The following RAG1 variants were observed in gnomAD, a reference collection of about 807,000 sequenced individuals.
The protein encoded by RAG1 is recombination activating 1, also known as V(D)J recombination-activating protein 1.
In RAG1, 35 loss-of-function variants were observed where a neutral mutation model predicts 62.7. The ratio of observed to expected loss-of-function variants is 0.56; its 90% CI spans 0.43 to 0.74. The LOEUF (loss-of-function observed/expected upper bound fraction) is 0.74, where lower values mean the gene tolerates loss of function less well. Among genes scored for constraint, RAG1 ranks in the 30% least tolerant of loss-of-function variants. The pLI is 0.00. For missense variants in RAG1, 1,169 were observed against 1,278.6 expected (o/e 0.91, Z 1.31); for synonymous variants, 461 against 470.3 (o/e 0.98, Z 0.26).
intron 3 of RAG1, among the ~76,000 whole-genome samples, chr11:36,548,734 G>T (rs918290462): frequency 1.8e-4 from 27 of 152,124 alleles, no homozygotes; most frequent in African/African-American, 6.3e-4. Flanking sequence ...TCCCCATCAA[G>T]CTACCAATGA....
chr11:36,545,614 G>T (rs1262705031), intron 3 of RAG1, among the ~76,000 whole-genome samples: 2 of 152,104 alleles, frequency 1.3e-5, no homozygotes, highest in African/African-American at 2.4e-5. Context: ...ATGTAATTTT[G>T]ACAATTATTG....
In RAG1 at chr11:36,574,411, G is replaced by T. The variant is rs1319908264; in HGVS notation, c.1107G>T (p.Leu369Phe). Reference protein sequence around the residue: ...PAKECNEEVSLEKYNHHISSH... With the variant: ...PAKECNEEVSFEKYNHHISSH... Reference sequence around the variant, plus strand: ...AAGAGTGCAATGAGGAGGTCAGTTTGGAAAAATATAATCACCACATCTCAA... The same window carrying T: ...AAGAGTGCAATGAGGAGGTCAGTTTTGAAAAATATAATCACCACATCTCAA... The change falls in exon 2 of 2, where the codon TTG becomes TTT. Residue 369 changes from leucine to phenylalanine, a missense_variant. This residue lies in a region of RAG1 where 800 missense variants were observed against 943.3 expected (regional missense o/e 0.85). Coordinates refer to ENST00000299440, the MANE Select transcript of RAG1 (RefSeq NM_000448.3). The T allele has an allele frequency of 6.2e-7, 1 of 1,614,088 alleles. No individual in the cohort carries two copies. Among genetic ancestry groups the T allele is most frequent in the Non-Finnish European group, 8.5e-7 (1 of 1,180,042 alleles).
In RAG1 at chr11:36,579,214, T is replaced by C. The variant is rs1393115046; in HGVS notation, c.*2778T>C. The C allele has an allele frequency of 6.0e-6, 1 of 167,190 alleles. No individual in the cohort carries two copies. Among genetic ancestry groups the C allele is most frequent in the Non-Finnish European group, 1.5e-5 (1 of 68,108 alleles). 10.4% of individuals were successfully genotyped at this position (167,190 alleles called of 1,614,324 possible). On this transcript the variant is annotated 3_prime_UTR_variant, in exon 2 of 2. Transcript: ENST00000299440. ...GGTCTTGCATTACATCAAACAGAGT[T>C]CAAATTCCACACAGATAAGAGGCAG...
Position 36,575,123 on chromosome 11 carries a change from G to A in RAG1, c.1819G>A (p.Asp607Asn). 1.2e-6 allele frequency: 2 copies of A among 1,614,202 alleles called. No homozygotes were observed. The highest frequency in any genetic ancestry group is 1.1e-5 in the South Asian group (1 of 91,082). ...VVKESCDGMG[D>N]VSEKHGSGPV... ...GAAGGAGTCTTGTGATGGAATGGGA[G>A]ACGTGAGTGAGAAGCATGGGAGTGG... The change falls in exon 2 of 2, where the codon GAC (aspartate) becomes AAC (asparagine). Residue 607 changes from aspartate to asparagine, a missense_variant. This residue lies in a region of RAG1 where 800 missense variants were observed against 943.3 expected (regional missense o/e 0.85). Transcript: ENST00000299440. This position sits in a 1 kb window ranked among gnomAD's most constrained non-coding sequence, Gnocchi z 4.1.
intron 2 of RAG1, among the ~76,000 whole-genome samples, chr11:36,524,742 C>T (rs555809606): frequency 4.6e-5 from 7 of 152,230 alleles, no homozygotes; most frequent in East Asian, 3.9e-4. Context: ...CCACCCACCT[C>T]GGCCTTCCAA....
In RAG1 at chr11:36,576,852, G is replaced by A. The variant is rs1393429368; in HGVS notation, c.*416G>A. The A allele has an allele frequency of 9.9e-6, 2 of 202,494 alleles. No homozygotes were observed. The highest frequency in any genetic ancestry group is 2.2e-5 in the Non-Finnish European group (2 of 88,928). The allele number at this position is 202,494 out of a possible 1,614,324, so 12.5% of individuals were successfully genotyped here. On this transcript the variant is annotated 3_prime_UTR_variant, in exon 2 of 2. Coordinates refer to ENST00000299440, the MANE Select transcript of RAG1 (RefSeq NM_000448.3). Reference sequence around the variant, plus strand: ...CTTGATTGATTATATTTTGTATTGAGATATGATAAGTGCCTTCTATTTCAT... The same window carrying A: ...CTTGATTGATTATATTTTGTATTGAAATATGATAAGTGCCTTCTATTTCAT...
At chr11:36,557,569 T>G (rs1244040916) in intron 3 of RAG1, among the ~76,000 whole-genome samples, 1 of 151,998 alleles carries the variant, frequency 6.6e-6, no homozygotes, top group Non-Finnish European at 1.5e-5. Flanking sequence ...ATCACCCGTC[T>G]TCTGCGTCGC....
At chr11:36,566,624 GA>G (rs1190643829), upstream of RAG1, 4 of 152,216 alleles carry the variant, frequency 2.6e-5, no homozygotes, top group Non-Finnish European at 4.4e-5. Context: ...TGTTGAACAT[GA>G]ACACTGTCTT....
intron 2 of RAG1, among the ~76,000 whole-genome samples, chr11:36,530,680 G>A (rs1466234858): frequency 6.6e-6 from 1 of 151,942 alleles, no homozygotes; most frequent in African/African-American, 2.4e-5. Context: ...ATTTTAGTCA[G>A]AGAACGCACT....
chr11:36,578,734 G>C lies in RAG1; in HGVS notation c.*2298G>C, dbSNP rs1389190734. ...TGCAGGAATTTCAATATGTAGAAAC[G>C]CTGCCTATGGTTTTTTGCCCTTACT... On this transcript the variant is annotated 3_prime_UTR_variant, in exon 2 of 2. Coordinates refer to ENST00000299440, the MANE Select transcript of RAG1 (RefSeq NM_000448.3). 1 of 167,044 alleles carries C rather than the reference G, an allele frequency of 6.0e-6. No individual in the cohort carries two copies. The highest frequency in any genetic ancestry group is 1.5e-5 in the Non-Finnish European group (1 of 68,114). 10.3% of individuals were successfully genotyped at this position (167,044 alleles called of 1,614,324 possible).
Position 36,579,444 on chromosome 11 carries a change from C to T in RAG1, c.*3008C>T, listed in dbSNP as rs532351513. The T allele has an allele frequency of 6.0e-6, 1 of 166,962 alleles. No individual in the cohort carries two copies. Among genetic ancestry groups the T allele is most frequent in the Non-Finnish European group, 1.5e-5 (1 of 68,086 alleles). The allele number at this position is 166,962 out of a possible 1,614,324, so 10.3% of individuals were successfully genotyped here. A position where few individuals can be genotyped will look rare whatever the true frequency, so the allele number is the denominator to read the frequency against. On this transcript the variant is annotated 3_prime_UTR_variant, in exon 2 of 2. Coordinates refer to ENST00000299440, the MANE Select transcript of RAG1 (RefSeq NM_000448.3). ...ACTACAGTAATCTACATAAATATAC[C>T]TCAGAAATCATTTTTGGTGATTATT... is the stretch of plus-strand genomic sequence containing the variant.
chr11:36,523,062 G>A (rs1860106335), intron 2 of RAG1, among the ~76,000 whole-genome samples: 1 of 152,166 alleles, frequency 6.6e-6, no homozygotes, highest in South Asian at 2.1e-4. Flanking sequence ...GGACTTTTGA[G>A]TTAATGCTGA....
intron 1 of RAG1, among the ~76,000 whole-genome samples, chr11:36,513,657 A>G (rs1564973146): frequency 6.6e-6 from 1 of 152,200 alleles, no homozygotes; most frequent in East Asian, 1.9e-4. Flanking sequence ...AAAGTAAAAG[A>G]GGTTTAATGG....
upstream of RAG1, among the ~76,000 whole-genome samples, chr11:36,565,467 A>C (rs3758873): frequency 0.38 from 57,067 of 152,070 alleles, 14,732 homozygotes; most frequent in African/African-American, 0.73. Flanking sequence ...TCGGCACTTC[A>C]AGGACTAACC....
In RAG1 at chr11:36,577,819, T is replaced by C. The variant is rs936561588; in HGVS notation, c.*1383T>C. 3 of 167,086 alleles carry C rather than the reference T, an allele frequency of 1.8e-5. No individual in the cohort carries two copies. The highest frequency in any genetic ancestry group is 3.8e-4 in the East Asian group (2 of 5,210). 10.4% of individuals were successfully genotyped at this position (167,086 alleles called of 1,614,324 possible). A position where few individuals can be genotyped will look rare whatever the true frequency, so the allele number is the denominator to read the frequency against. On this transcript the variant is annotated 3_prime_UTR_variant, in exon 2 of 2. Coordinates refer to ENST00000299440, the MANE Select transcript of RAG1 (RefSeq NM_000448.3). ...CTATGTTTATAAGGTAGTATCAGAATTTTTTTAGGATTCACAACTAATCAC... is the reference window on the plus strand; with the variant it reads ...CTATGTTTATAAGGTAGTATCAGAACTTTTTTAGGATTCACAACTAATCAC...
chr11:36,526,724 CA>C (rs1376942942), intron 2 of RAG1, among the ~76,000 whole-genome samples: 2 of 152,148 alleles, frequency 1.3e-5, no homozygotes, highest in African/African-American at 4.8e-5. Context: ...CCTATTTCTC[CA>C]AATCCTCTCC....
chr11:36,515,931 CG>C (rs1303064250), intron 1 of RAG1, among the ~76,000 whole-genome samples: 10 of 152,140 alleles, frequency 6.6e-5, no homozygotes, highest in Admixed American at 6.5e-5. Flanking sequence ...CCTCCTTCTC[CG>C]TTGTCTTCCC....
intron 1 of RAG1, among the ~76,000 whole-genome samples, chr11:36,513,487 T>C (rs1400149992): frequency 1.3e-5 from 2 of 152,252 alleles, no homozygotes; most frequent in East Asian, 1.9e-4. Flanking sequence ...AATACACTTA[T>C]TGAACAACCA....
chr11:36,533,218 G>T (rs1860280998), intron 2 of RAG1, among the ~76,000 whole-genome samples: 1 of 152,122 alleles, frequency 6.6e-6, no homozygotes, highest in Admixed American at 6.6e-5. Flanking sequence ...CCCGAGGAGG[G>T]GGTGCTACTT....
Sources: gnomAD v4.1 joint callset for allele counts (sites outside exome capture counted in the v4.1 genomes callset) on GRCh38, gnomAD v4.1.1 for gene constraint, gnomAD v4.1.1 regional missense constraint, Gnocchi (gnomAD v3.1) non-coding constraint, MANE v1.5 for transcripts, NCBI Gene and HGNC (gene_info 2026-07-23, HGNC 2026-07-21) for gene names.